Variants in RECQL observed in about 807,000 individuals in gnomAD.
The protein encoded by RECQL is ATP-dependent DNA helicase Q1.
A neutral mutation model predicts 75.8 loss-of-function variants in RECQL; 73 were observed. That is an observed-to-expected ratio of 0.96 (90% CI 0.80 to 1.17). The LOEUF (loss-of-function observed/expected upper bound fraction) is 1.17, where lower values mean the gene tolerates loss of function less well. Ranked by LOEUF, RECQL falls within the 50% of genes most tolerant of loss-of-function variation. RECQL has a pLI of 0.00. For missense variants in RECQL, 699 were observed against 772.1 expected, an observed-to-expected ratio of 0.91 and a Z score of 1.12; for synonymous variants, 248 against 254.4, an observed-to-expected ratio of 0.97 and a Z score of 0.24.
intron 2 of RECQL, among the ~76,000 whole-genome samples, chr12:21,496,784 T>C (rs1370108685): frequency 6.6e-6 from 1 of 152,188 alleles, no homozygotes; most frequent in Non-Finnish European, 1.5e-5. Flanking sequence ...ATGGACTACT[T>C]GGATTTGGGA....
At chr12:21,471,246 GA>G in intron 13 of RECQL, 148 bp from the exon 14 acceptor site, 1 of 1,030,384 alleles carries the variant, frequency 9.7e-7, no homozygotes. Flanking sequence ...AGCCTTTAAA[GA>G]AAATATTTTC....
chr12:21,474,520 C>G (rs1943044311), intron 11 of RECQL, among the ~76,000 whole-genome samples: 3 of 152,054 alleles, frequency 2.0e-5, no homozygotes, highest in African/African-American at 7.2e-5. Context: ...CTATCTTAAC[C>G]ATAGACCTTT....
intron 1 of RECQL, among the ~76,000 whole-genome samples, chr12:21,500,260 G>A (rs1943584052): frequency 6.6e-6 from 1 of 152,124 alleles, no homozygotes. Context: ...GTGGGGGGAG[G>A]GGAAAATGGT....
Position 21,475,719 on chromosome 12 carries a change from T to C in RECQL, c.1055A>G (p.Asp352Gly), listed in dbSNP as rs771788478. ...CCATTTTCTATGAACTGTGGTCTTA[T>C]CTTCTGGCTCCAAATTGGCATGGTA... ...GAYHANLEPE[D>G]KTTVHRKWSA... The change falls in exon 9 of 15, where the codon GAT (aspartate) becomes GGT (glycine). Residue 352 changes from aspartate (D) to glycine (G), a missense_variant. By Grantham distance (94) the Asp-to-Gly change is moderately conservative. This residue lies in a region of RECQL where 669 missense variants were observed against 713.5 expected (regional missense o/e 0.94). Coordinates refer to ENST00000444129, the MANE Select transcript of RECQL (RefSeq NM_002907.4). 8.7e-6 allele frequency: 14 copies of C among 1,613,448 alleles called. No homozygotes were observed. Among genetic ancestry groups the C allele is most frequent in the African/African-American group, 1.3e-5 (1 of 74,920 alleles).
At position 21,471,511 on chromosome 12, in the gene RECQL, T is replaced by A; in HGVS notation, c.1584A>T (p.Arg528Ser). The change falls in exon 13 of 15, where the codon AGA becomes AGT. Residue 528 changes from arginine (R) to serine (S), a missense_variant. Arg to Ser is a moderately radical substitution (Grantham distance 110). Transcript: ENST00000444129. ...SWMGKGAAKL[R>S]VAGVVAPTLP... ...GTGTGGGAGCCACAACACCTGCTAC[T>A]CTCAGTTTTGCTGCACCCTTTCCCA... is the stretch of plus-strand genomic sequence containing the variant. The A allele has an allele frequency of 6.2e-7, 1 of 1,612,908 alleles. No individual in the cohort carries two copies. Among genetic ancestry groups the A allele is most frequent in the South Asian group, 1.1e-5 (1 of 90,934 alleles).
intron 6 of RECQL, among the ~76,000 whole-genome samples, chr12:21,482,639 G>C (rs1591980692): frequency 6.6e-6 from 1 of 152,248 alleles, no homozygotes; most frequent in South Asian, 2.1e-4. Flanking sequence ...AGAAGTAAGG[G>C]GCAACAGCAC....
intron 4 of RECQL, among the ~76,000 whole-genome samples, chr12:21,489,191 G>A (rs766345776): frequency 5.3e-5 from 8 of 152,164 alleles, no homozygotes; most frequent in Admixed American, 2.0e-4. Flanking sequence ...ACAAAGTAAG[G>A]GCTGGTTGCC....
At chr12:21,485,549 T>A (rs6487232) in intron 5 of RECQL, among the ~76,000 whole-genome samples, 149,449 of 151,534 alleles carry the variant, frequency 0.99, 73,726 homozygotes, top group South Asian at 1. Context: ...TATTTTTTTT[T>A]AAAAAAAACA....
chr12:21,491,967 A>G (rs1943423893), intron 2 of RECQL, among the ~76,000 whole-genome samples: 1 of 152,206 alleles, frequency 6.6e-6, no homozygotes, highest in African/African-American at 2.4e-5. Context: ...AATGGGGACA[A>G]TATCTAACTT....
chr12:21,485,949 G>T (rs1051726998), intron 5 of RECQL, among the ~76,000 whole-genome samples: 1 of 152,102 alleles, frequency 6.6e-6, no homozygotes, highest in Non-Finnish European at 1.5e-5. Flanking sequence ...AATTCCACAG[G>T]TATAGGGTAA....
In RECQL at chr12:21,495,716, G is replaced by A. The variant is rs374741297; in HGVS notation, c.16+3839C>T. 1.2e-4 allele frequency among the ~76,000 whole-genome samples: 19 copies of A among 152,286 alleles called. No individual in the cohort carries two copies. The East Asian group carries it at 1.3e-3, about 11-fold the overall frequency. ...GATCCACCAGTCAGAGTATAGACTC[G>A]ACTTAAGTGAGGTGATCAATGCAGC... On this transcript the variant is annotated intron_variant, in intron 2 of 14. Coordinates refer to ENST00000444129, the MANE Select transcript of RECQL (RefSeq NM_002907.4).
chr12:21,476,722 G>A (rs145488858), intron 8 of RECQL, among the ~76,000 whole-genome samples, 189 bp downstream of exon 8: 177 of 152,066 alleles, frequency 1.2e-3, no homozygotes, highest in Admixed American at 2.9e-3. Context: ...CATAATCTAT[G>A]GCATAAGCAA....
chr12:21,474,755 T>A (rs1943048273), intron 11 of RECQL, 86 bp downstream of exon 11: 3 of 1,289,792 alleles, frequency 2.3e-6, no homozygotes, highest in Non-Finnish European at 3.3e-6. Flanking sequence ...GTTCCACCAA[T>A]GTATTTAGTA....
At chr12:21,470,872 T>C (rs1942933553) in intron 14 of RECQL, 97 bp downstream of exon 14, 1 of 846,994 alleles carries the variant, frequency 1.2e-6, no homozygotes, top group Non-Finnish European at 1.6e-6. Flanking sequence ...ACTTTTCTCA[T>C]GTTCAACTGG....
chr12:21,488,203 C>T (rs1023728125), intron 4 of RECQL, among the ~76,000 whole-genome samples: 4 of 152,172 alleles, frequency 2.6e-5, no homozygotes, highest in Admixed American at 6.5e-5. Context: ...TACATCCTTA[C>T]GTATTTGACA....
chr12:21,499,598 A>C lies in RECQL; in HGVS notation c.-28T>G, dbSNP rs1396922176. ...TTTTTCTTTCCAAATTTGTTTCTAA[A>C]ATAATCCAAATTTCTTTCTAAAAAT... On this transcript the variant is annotated 5_prime_UTR_variant, in exon 2 of 15. The change creates a new upstream start codon in the 5' untranslated region. Transcript: ENST00000444129. The C allele has an allele frequency of 6.4e-7, 1 of 1,573,262 alleles. No individual in the cohort carries two copies. Among genetic ancestry groups the C allele is most frequent in the Non-Finnish European group, 8.7e-7 (1 of 1,155,094 alleles).
chr12:21,478,827 G>A (rs772003212), intron 6 of RECQL, among the ~76,000 whole-genome samples: 4 of 152,164 alleles, frequency 2.6e-5, no homozygotes, highest in Non-Finnish European at 5.9e-5. Flanking sequence ...GTCTTTACAC[G>A]CAGAGAGGAT....
In RECQL at chr12:21,487,871, C is replaced by T. The variant is rs76811118; in HGVS notation, c.395-1286G>A. On this transcript the variant is annotated intron_variant, in intron 4 of 14. Coordinates refer to ENST00000444129, the MANE Select transcript of RECQL (RefSeq NM_002907.4). ...TGAGAAACACCCCCTCTCTAGACAC[C>T]GAAATCTATTAGCATCTTGATCTTG... 8.1e-4 allele frequency among the ~76,000 whole-genome samples: 124 copies of T among 152,266 alleles called. 1 individual carries two copies. In the East Asian group the frequency reaches 0.02, roughly 25 times the overall value.
chr12:21,501,617 G>A lies in RECQL; in HGVS notation c.-493C>T. 2 of 405,666 alleles carry A rather than the reference G, an allele frequency of 4.9e-6. No individual in the cohort carries two copies. The highest frequency in any genetic ancestry group is 1.3e-3 in the Middle Eastern group (2 of 1,488). The allele number at this position is 405,666 out of a possible 1,614,324, so 25.1% of individuals were successfully genotyped here. A position where few individuals can be genotyped will look rare whatever the true frequency, so the allele number is the denominator to read the frequency against. On this transcript the variant is annotated 5_prime_UTR_variant, in exon 1 of 15. Coordinates refer to ENST00000444129, the MANE Select transcript of RECQL (RefSeq NM_002907.4). The stretch of plus-strand genomic sequence containing the variant: ...ACTCGGGAGTAAAATCTTCCCGCCA[G>A]CCAGCTGAGAGCATCCACCCTTCCG...
Sources: allele counts gnomAD v4.1 joint callset (sites outside exome capture counted in the v4.1 genomes callset), GRCh38; gene constraint gnomAD v4.1.1; regional missense constraint gnomAD v4.1.1; transcripts MANE v1.5; gene names NCBI Gene and HGNC (gene_info 2026-07-23, HGNC 2026-07-21).